Variants in LENG8 observed in about 807,000 individuals in gnomAD.
The protein encoded by LENG8 is leukocyte receptor cluster member 8.
LENG8 carries 28 observed loss-of-function variants against 102.1 expected under a neutral mutation model. The ratio of observed to expected loss-of-function variants is 0.27; its 90% CI spans 0.20 to 0.38. LENG8 has a LOEUF of 0.38. Among genes scored for constraint, LENG8 ranks in the 10% least tolerant of loss-of-function variants. LENG8 has a pLI of 1.00. For synonymous variants in LENG8, 531 were observed against 456.7 expected, an observed-to-expected ratio of 1.16 and a Z score of -2.07; for missense variants, 1,022 against 1,113.9, an observed-to-expected ratio of 0.92 and a Z score of 1.17.
Position 54,456,674 on chromosome 19 carries a change from T to C in LENG8, c.1484T>C (p.Met495Thr), listed in dbSNP as rs772798947. ...CCCACCAAGCGCAGTCGAAAGAAGA[T>C]GGCGGCGCTGGAGTGTGAGGACCCG... The part of the protein sequence containing the change: ...LAPTKRSRKK[M>T]AALECEDPER... The change falls in exon 11 of 16, where the codon ATG (methionine) becomes ACG (threonine). Residue 495 changes from methionine to threonine, a missense_variant. Met to Thr is a moderately conservative substitution (Grantham distance 81). Transcript: ENST00000326764. 1 of 1,612,920 alleles carries C rather than the reference T, an allele frequency of 6.2e-7. No homozygotes were observed. The highest frequency in any genetic ancestry group is 8.5e-7 in the Non-Finnish European group (1 of 1,179,624).
chr19:54,453,183 CA>C (rs1363302555), intron 4 of LENG8, among the ~76,000 whole-genome samples: 1 of 152,132 alleles, frequency 6.6e-6, no homozygotes, highest in Non-Finnish European at 1.5e-5. Flanking sequence ...CTTTCTTTGC[CA>C]TCTTATTGTT....
At position 54,454,932 on chromosome 19, in the gene LENG8, G is replaced by A; in HGVS notation, c.680-19G>A. On this transcript the variant is annotated intron_variant, in intron 6 of 15. Transcript: ENST00000326764. ...TGTGCCGGGGAAGGGCCTAACCATA[G>A]CTTTCGCTGCCCTCACAGCCGCCCC... The A allele has an allele frequency of 6.2e-7, 1 of 1,614,096 alleles. No homozygotes were observed.
intron 15 of LENG8, chr19:54,459,965 G>T: frequency 2.5e-6 from 3 of 1,217,062 alleles, no homozygotes; most frequent in Non-Finnish European, 3.2e-6. Flanking sequence ...TACCTAATTG[G>T]CCTTGGTTGG....
chr19:54,455,348 A>G lies in LENG8; in HGVS notation c.822-16A>G, dbSNP rs1354252381. On this transcript the variant is annotated splice_polypyrimidine_tract_variant and intron_variant, in intron 7 of 15. Coordinates refer to ENST00000326764, the MANE Select transcript of LENG8 (RefSeq NM_052925.4). ...GGGATCGTCTCCAGCTGAGCCCCTC[A>G]TCTGTCCTCCCGCAGCGGGTCCTCT... 6.2e-7 allele frequency: 1 copy of G among 1,613,644 alleles called. No individual in the cohort carries two copies. The highest frequency in any genetic ancestry group is 8.5e-7 in the Non-Finnish European group (1 of 1,179,662).
At chr19:54,451,070 G>A (rs1180237532) in intron 1 of LENG8, among the ~76,000 whole-genome samples, 5 of 151,956 alleles carry the variant, frequency 3.3e-5, no homozygotes, top group African/African-American at 1.2e-4. Context: ...CAAATCCTTC[G>A]TTTTCCACCT....
At chr19:54,457,118 G>A (rs2084291199) in intron 11 of LENG8, among the ~76,000 whole-genome samples, 197 bp downstream of exon 11, 1 of 152,270 alleles carries the variant, frequency 6.6e-6, no homozygotes, top group African/African-American at 2.4e-5. Flanking sequence ...CGCGTGGCGG[G>A]TGTGCAGCTT....
chr19:54,451,206 T>A (rs1243378966), intron 1 of LENG8, 84 bp from the exon 2 acceptor site: 3 of 876,726 alleles, frequency 3.4e-6, no homozygotes, highest in African/African-American at 3.3e-5. Context: ...CGGCTTCTCT[T>A]GAGTCCATCT....
At chr19:54,458,654 C>T (rs997409969) in intron 15 of LENG8, 133 bp downstream of exon 15, 6 of 1,554,040 alleles carry the variant, frequency 3.9e-6, no homozygotes, top group African/African-American at 1.4e-5. Context: ...TCCCCATCAT[C>T]TTTCTCCATT....
In LENG8 at chr19:54,461,002, G is replaced by C; in HGVS notation, c.*74G>C. 2 of 1,530,052 alleles carry C rather than the reference G, an allele frequency of 1.3e-6. No homozygotes were observed. The highest frequency in any genetic ancestry group is 1.2e-5 in the South Asian group (1 of 83,588). The allele number at this position is 1,530,052 out of a possible 1,614,324, so 94.8% of individuals were successfully genotyped here. A position where few individuals can be genotyped will look rare whatever the true frequency, so the allele number is the denominator to read the frequency against. On this transcript the variant is annotated 3_prime_UTR_variant, in exon 16 of 16. Coordinates refer to ENST00000326764, the MANE Select transcript of LENG8 (RefSeq NM_052925.4). ...CCTTTGCGGATTCTGTTTTTGAGCC[G>C]TGGACTTGGGTTGTAAATTTATTTG...
chr19:54,454,840 C>T (rs1430380071), intron 6 of LENG8, 111 bp from the exon 7 acceptor site: 5 of 1,463,768 alleles, frequency 3.4e-6, no homozygotes, highest in African/African-American at 1.4e-5. Context: ...GTGCTGGAGC[C>T]CTCCTCTAGA....
rs143651422 is a variant in LENG8, at chr19:54,454,551, C to T, written c.548C>T (p.Pro183Leu). 8 of 1,613,094 alleles carry T rather than the reference C, an allele frequency of 5.0e-6. No homozygotes were observed. The African/African-American group carries it at 6.7e-5, about 13-fold the overall frequency. ...PHGAHTLNSG[P>L]QPGTAPATQH... ...GGGGCTCACACGCTGAACAGTGGCC[C>T]TCAGCCTGGGACAGCTCCAGCCACA... The change falls in exon 6 of 16, where the codon CCT becomes CTT. Residue 183 changes from proline (P) to leucine (L), a missense_variant. Pro to Leu is a moderately conservative substitution (Grantham distance 98). This residue lies in a region of LENG8 where 343 missense variants were observed against 320.2 expected (regional missense o/e 1.07). Coordinates refer to ENST00000326764, the MANE Select transcript of LENG8 (RefSeq NM_052925.4).
intron 5 of LENG8, among the ~76,000 whole-genome samples, chr19:54,454,168 G>A (rs571378216): frequency 1.8e-4 from 28 of 152,144 alleles, no homozygotes; most frequent in African/African-American, 5.8e-4. Context: ...GCATTGAAAC[G>A]CTGCCAGCTG....
Position 54,455,404 on chromosome 19 carries a change from G to T in LENG8, c.862G>T (p.Asp288Tyr). 1.9e-6 allele frequency: 3 copies of T among 1,614,206 alleles called. No individual in the cohort carries two copies. Among genetic ancestry groups the T allele is most frequent in the Non-Finnish European group, 2.5e-6 (3 of 1,180,036 alleles). Residue 288 changes from aspartate (D) to tyrosine (Y), a missense_variant, in exon 8 of 16, where the codon GAC becomes TAC. By Grantham distance (160) the Asp-to-Tyr change is radical. Transcript: ENST00000326764. The part of the protein sequence containing the change: ...ARGNLSGKPD[D>Y]WPQDMKEYVE... ...GGGGAACCTGTCTGGGAAGCCGGAT[G>T]ACTGGCCCCAGGACATGAAAGAGTA...
intron 15 of LENG8, chr19:54,460,102 C>T: frequency 7.8e-7 from 1 of 1,289,830 alleles, no homozygotes; most frequent in Non-Finnish European, 1.0e-6. Context: ...GGAGTGGGCT[C>T]TGATCCCAGG....
chr19:54,460,591 C>A (rs949552179), intron 15 of LENG8, 175 bp from the exon 16 acceptor site: 39 of 1,415,822 alleles, frequency 2.8e-5, no homozygotes, highest in Non-Finnish European at 3.2e-5. Context: ...ACTAACCCCC[C>A]CCGGGCCCCC....
At chr19:54,452,332 G>A (rs1032041330) in intron 3 of LENG8, 65 bp downstream of exon 3, 53 of 1,414,526 alleles carry the variant, frequency 3.7e-5, no homozygotes, top group South Asian at 2.3e-4. Context: ...ACAGTCTGGC[G>A]TCCTGTTGTA....
chr19:54,457,701 G>A (rs761379324), intron 11 of LENG8, 46 bp from the exon 12 acceptor site: 9 of 1,392,806 alleles, frequency 6.5e-6, no homozygotes, highest in Middle Eastern at 1.8e-4. Context: ...CGTTGGCCAC[G>A]CTACCTGAGT....
chr19:54,452,226 T>C lies in LENG8; in HGVS notation c.172T>C (p.Ser58Pro), dbSNP rs200004635. 6.4e-4 allele frequency: 1,025 copies of C among 1,613,738 alleles called. 7 individuals are homozygous for C. In the African/African-American group the frequency reaches 0.012, roughly 18 times the overall value. ...SISKSGAAGG[S>P]AKSSSNGPVA... ...CAGCAAGTCAGGAGCTGCCGGCGGC[T>C]CTGCCAAGTCCAGCAGCAATGGGCC... The change falls in exon 3 of 16, where the codon TCT becomes CCT. Residue 58 changes from serine to proline, a missense_variant. This residue lies in a region of LENG8 where 343 missense variants were observed against 320.2 expected (regional missense o/e 1.07). Transcript: ENST00000326764.
intron 5 of LENG8, 77 bp downstream of exon 5, chr19:54,453,733 A>G: frequency 2.9e-6 from 3 of 1,039,766 alleles, no homozygotes; most frequent in African/African-American, 1.6e-5. Flanking sequence ...TCAATGAGGA[A>G]TGGCTTGTAC....
Sources: allele counts gnomAD v4.1 joint callset (sites outside exome capture counted in the v4.1 genomes callset), GRCh38; gene constraint gnomAD v4.1.1; regional missense constraint gnomAD v4.1.1; transcripts MANE v1.5; gene names NCBI Gene and HGNC (gene_info 2026-07-23, HGNC 2026-07-21).